Variants in NUP214 observed in about 807,000 individuals in gnomAD.
NUP214 encodes nucleoporin 214.
A neutral mutation model predicts 196.2 loss-of-function variants in NUP214; 79 were observed. That is an observed-to-expected ratio of 0.40 (90% CI 0.34 to 0.49). The LOEUF is 0.49. Among genes scored for constraint, NUP214 ranks in the 20% least tolerant of loss-of-function variants. The pLI is 0.58. For missense variants in NUP214, 2,468 were observed against 2,539.0 expected (o/e 0.97, Z 0.60); for synonymous variants, 1,020 against 990.5 (o/e 1.03, Z -0.56).
chr9:131,231,766 C>T (rs1834885313), intron 34 of NUP214, among the ~76,000 whole-genome samples: 2 of 151,930 alleles, frequency 1.3e-5, no homozygotes, highest in Admixed American at 6.6e-5. Flanking sequence ...ATTTAGGTAT[C>T]ATTACAATTG....
chr9:131,189,013 A>T, intron 25 of NUP214, 40 bp from the exon 26 acceptor site: 1 of 1,326,564 alleles, frequency 7.5e-7, no homozygotes, highest in Non-Finnish European at 1.1e-6. Context: ...AAGAATGGTT[A>T]GTGGTTTAAC....
intron 24 of NUP214, among the ~76,000 whole-genome samples, chr9:131,182,134 T>G (rs1176486902): frequency 6.6e-6 from 1 of 152,272 alleles, no homozygotes; most frequent in Non-Finnish European, 1.5e-5. Context: ...GCAATGTGAA[T>G]GTACTTAGTA....
At position 131,146,456 on chromosome 9, in the gene NUP214, A is replaced by T. The variant is rs1254553345; in HGVS notation, c.1945+152A>T. ...TAATGATTAATGTGCTGTGATTTTCATACTCTGAATTGGGAGATTTGCTCT... is the reference window on the plus strand; with the variant it reads ...TAATGATTAATGTGCTGTGATTTTCTTACTCTGAATTGGGAGATTTGCTCT... On this transcript the variant is annotated intron_variant, in intron 13 of 35. Transcript: ENST00000359428. This position sits in a 1 kb window ranked among gnomAD's most constrained non-coding sequence, Gnocchi z 4.6. 6 of 778,814 alleles carry T rather than the reference A, an allele frequency of 7.7e-6. No homozygotes were observed. Among genetic ancestry groups the T allele is most frequent in the Non-Finnish European group, 1.2e-5 (6 of 490,262 alleles). 48.2% of individuals were successfully genotyped at this position (778,814 alleles called of 1,614,324 possible).
chr9:131,187,884 T>G (rs1299539372), intron 25 of NUP214, among the ~76,000 whole-genome samples: 6 of 152,334 alleles, frequency 3.9e-5, no homozygotes, highest in Non-Finnish European at 7.4e-5. Context: ...CATAGGCCAT[T>G]TAAACATTCT....
At chr9:131,207,341 C>A (rs577162710) in intron 30 of NUP214, among the ~76,000 whole-genome samples, 1 of 152,292 alleles carries the variant, frequency 6.6e-6, no homozygotes, top group African/African-American at 2.4e-5. Flanking sequence ...GTGATCTCAG[C>A]TGGAAGAAGG....
chr9:131,173,048 T>C (rs182906190), intron 21 of NUP214, among the ~76,000 whole-genome samples: 1 of 152,306 alleles, frequency 6.6e-6, no homozygotes, highest in Non-Finnish European at 1.5e-5. Context: ...TTCTATTTTC[T>C]CTTTTGGGTT....
intron 11 of NUP214, among the ~76,000 whole-genome samples, chr9:131,144,023 T>C (rs1266040222): frequency 6.6e-6 from 1 of 152,256 alleles, no homozygotes; most frequent in African/African-American, 2.4e-5. Flanking sequence ...TGAACTGTTT[T>C]GTGTGCCATA....
Position 131,198,714 on chromosome 9 carries a change from A to G in NUP214, c.5220A>G (p.Ala1740=). The G allele has an allele frequency of 1.9e-6, 3 of 1,614,166 alleles. No homozygotes were observed. The Admixed American group carries it at 5.0e-5, about 27-fold the overall frequency. The change falls in exon 29 of 36, where the codon GCA becomes GCG. Residue 1740 remains alanine (A), a synonymous_variant. Transcript: ENST00000359428. ...SVFGQSASSA[A]SVFSFSQPGF... The stretch of plus-strand genomic sequence containing the variant: ...TTGGGCAGTCGGCGAGCAGTGCTGC[A>G]AGTGTCTTTTCCTTCAGTCAGCCTG...
Position 131,134,990 on chromosome 9 carries a change from T to C in NUP214, c.924T>C (p.Ser308=). The C allele has an allele frequency of 1.2e-6, 2 of 1,611,338 alleles. No individual in the cohort carries two copies. Among genetic ancestry groups the C allele is most frequent in the Non-Finnish European group, 1.7e-6 (2 of 1,177,540 alleles). ...AGAGACAGCATCATTACTACCTCAG[T>C]TACATTGAGGAATGGTGAGCAGAGA... ...CTERQHHYYL[S]YIEEWDLVLA... is the part of the protein sequence containing the mutation. Residue 308 remains serine (S), a synonymous_variant, in exon 8 of 36, where the codon AGT becomes AGC. Transcript: ENST00000359428.
intron 17 of NUP214, among the ~76,000 whole-genome samples, chr9:131,157,807 G>A (rs1380855680): frequency 2.0e-5 from 3 of 151,750 alleles, no homozygotes; most frequent in Non-Finnish European, 2.9e-5. Context: ...CACCACACCC[G>A]GGTAATTCTT....
In NUP214 at chr9:131,146,244, CCT is replaced by C. The variant is rs754658181; in HGVS notation, c.1891_1892del (p.Ala632ThrfsTer3). 2.5e-6 allele frequency: 4 copies of C among 1,614,146 alleles called. No homozygotes were observed. The South Asian group carries it at 4.4e-5, about 18-fold the overall frequency. The part of the protein sequence containing the change: ...AASGPLSHPT[P>X]LSAPPSSVPL... ...TTCTGGACCACTCAGCCACCCCACA[CCT>C]CTCTCAGCACCACCTAGTTCCGTGC... is the stretch of plus-strand genomic sequence containing the variant. On this transcript the variant is annotated frameshift_variant, in exon 13 of 36. Coordinates refer to ENST00000359428, the MANE Select transcript of NUP214 (RefSeq NM_005085.4). LOFTEE classifies it high-confidence loss of function. The surrounding 1 kb of genome is among the most constrained non-coding windows in gnomAD (Gnocchi z 4.6).
rs555769923 is a variant in NUP214 at position 131,145,214 on chromosome 9, A to G, written c.1769+460A>G. Among the ~76,000 whole-genome samples the G allele has an allele frequency of 3.9e-5, 6 of 152,136 alleles. No homozygotes were observed. The East Asian group carries it at 5.8e-4, about 15-fold the overall frequency. ...GTGATTCTTCTGCTTGACAGTCCCT[A>G]TGAAGCCCCGTGGCTGCTCACTGCT... On this transcript the variant is annotated intron_variant, in intron 12 of 35. Coordinates refer to ENST00000359428, the MANE Select transcript of NUP214 (RefSeq NM_005085.4).
chr9:131,138,912 G>T (rs1831822190), intron 9 of NUP214, among the ~76,000 whole-genome samples: 1 of 152,204 alleles, frequency 6.6e-6, no homozygotes, highest in African/African-American at 2.4e-5. Context: ...AGCAGGTATT[G>T]ACTGGCTTAG....
chr9:131,135,444 GTCTT>G (rs1172470179), intron 8 of NUP214, among the ~76,000 whole-genome samples: 2 of 152,102 alleles, frequency 1.3e-5, no homozygotes, highest in African/African-American at 2.4e-5. Flanking sequence ...TCTTGATAAT[GTCTT>G]TCTATTATTT....
At chr9:131,186,360 GA>G (rs561112760) in intron 24 of NUP214, among the ~76,000 whole-genome samples, 268 of 152,330 alleles carry the variant, frequency 1.8e-3, no homozygotes, top group African/African-American at 6.1e-3. Context: ...TATTCCAGCA[GA>G]GAATCTCAAT....
chr9:131,222,835 C>T lies in NUP214; in HGVS notation c.5807C>T (p.Ser1936Leu), dbSNP rs185985063. The T allele has an allele frequency of 9.9e-6, 16 of 1,614,170 alleles. No homozygotes were observed. Among genetic ancestry groups the T allele is most frequent in the African/African-American group, 1.3e-5 (1 of 75,038 alleles). Reference protein sequence around the residue: ...GAKTFGGFASSSFGEQKPTGT... With the variant: ...GAKTFGGFASLSFGEQKPTGT... ...AAGACATTTGGTGGATTTGCCAGCT[C>T]GTCGTTTGGAGAGCAGAAACCCACT... Residue 1936 changes from serine to leucine, a missense_variant, in exon 32 of 36, where the codon TCG becomes TTG. Physicochemically the swap from Ser to Leu is moderately radical, Grantham distance 145. Coordinates refer to ENST00000359428, the MANE Select transcript of NUP214 (RefSeq NM_005085.4).
At chr9:131,223,795 C>T (rs1214191751) in intron 32 of NUP214, among the ~76,000 whole-genome samples, 7 of 119,036 alleles carry the variant, frequency 5.9e-5, no homozygotes, top group South Asian at 2.9e-4. Context: ...AGTGCAGTGG[C>T]GCAATCTCGG....
chr9:131,174,206 C>T lies in NUP214; in HGVS notation c.3045C>T (p.His1015=), dbSNP rs757989841. The part of the protein sequence containing the change: ...DDEAVVQAPR[H]APVVRTPSIQ... ...AGGCAGTGGTTCAGGCCCCTCGGCA[C>T]GCCCCCGTGGTTCGCACTCCTTCCA... The change falls in exon 22 of 36, where the codon CAC becomes CAT. Residue 1015 remains histidine (H), a synonymous_variant. Transcript: ENST00000359428. 30 of 1,613,800 alleles carry T rather than the reference C, an allele frequency of 1.9e-5. No homozygotes were observed. Among genetic ancestry groups the T allele is most frequent in the East Asian group, 1.6e-4 (7 of 44,872 alleles).
At chr9:131,134,223 G>A (rs1445661177) in intron 7 of NUP214, among the ~76,000 whole-genome samples, 1 of 152,128 alleles carries the variant, frequency 6.6e-6, no homozygotes, top group Non-Finnish European at 1.5e-5. Flanking sequence ...AGGATTACAG[G>A]TTTGAGCCAC....
Sources: gnomAD v4.1 joint callset for allele counts (sites outside exome capture counted in the v4.1 genomes callset) on GRCh38, gnomAD v4.1.1 for gene constraint, Gnocchi (gnomAD v3.1) non-coding constraint, MANE v1.5 for transcripts, NCBI Gene and HGNC (gene_info 2026-07-23, HGNC 2026-07-21) for gene names.